The following THSD4 variants were observed in gnomAD, a reference collection of about 807,000 sequenced individuals.
THSD4 encodes the protein thrombospondin type 1 domain containing 4, also known as thrombospondin type-1 domain-containing protein 4.
In THSD4, 69 loss-of-function variants were observed where a neutral mutation model predicts 119.0. The ratio of observed to expected loss-of-function variants is 0.58; its 90% confidence interval spans 0.48 to 0.71. The LOEUF (loss-of-function observed/expected upper bound fraction) is 0.71. Ranked by LOEUF, THSD4 falls within the 30% of genes least tolerant of loss-of-function variation. The probability of loss-of-function intolerance (pLI) is 0.00; values close to 1 mark genes in which losing one functional copy is unlikely to be tolerated. For missense variants in THSD4, 1,393 were observed against 1,391.1 expected, an observed-to-expected ratio of 1.00 and a Z score of -0.02; for synonymous variants, 524 against 540.4, an observed-to-expected ratio of 0.97 and a Z score of 0.42.
intron 7 of THSD4, among the ~76,000 whole-genome samples, chr15:71,423,295 T>C (rs2046831396): frequency 6.6e-6 from 1 of 152,110 alleles, no homozygotes; most frequent in African/African-American, 2.4e-5. Flanking sequence ...GGGAGTGCGC[T>C]CAGTCACAGC....
intron 6 of THSD4, among the ~76,000 whole-genome samples, chr15:71,293,777 A>G (rs2044825502): frequency 6.6e-6 from 1 of 151,894 alleles, no homozygotes; most frequent in Non-Finnish European, 1.5e-5. Context: ...ATTCCCTAAC[A>G]GTAGGAAATT....
At chr15:71,363,817 T>G (rs1008047053) in intron 6 of THSD4, among the ~76,000 whole-genome samples, 4 of 152,200 alleles carry the variant, frequency 2.6e-5, no homozygotes, top group Non-Finnish European at 5.9e-5. Flanking sequence ...TACTATCAGT[T>G]TTCTACAGTT....
intron 6 of THSD4, among the ~76,000 whole-genome samples, chr15:71,352,031 ACT>A (rs2045749808): frequency 6.6e-6 from 1 of 152,160 alleles, no homozygotes; most frequent in South Asian, 2.1e-4. Context: ...TCAACCCTGT[ACT>A]CTCACATCTG....
At chr15:71,110,975 C>T, upstream of THSD4, 3 of 649,024 alleles carry the variant, frequency 4.6e-6, no homozygotes, top group South Asian at 6.0e-5. Flanking sequence ...AGGCTGTGGA[C>T]TGGAGGCTGC....
chr15:71,145,280 C>A (rs1351716134), intron 2 of THSD4, among the ~76,000 whole-genome samples: 5 of 152,004 alleles, frequency 3.3e-5, no homozygotes, highest in African/African-American at 1.2e-4. Context: ...GTGAAACTGG[C>A]AGGAAATAAA....
At chr15:71,532,010 G>A (rs12440359) in intron 7 of THSD4, among the ~76,000 whole-genome samples, 40,724 of 151,820 alleles carry the variant, frequency 0.27, 6,198 homozygotes, top group East Asian at 0.62. Context: ...GTTTTTTCCC[G>A]TACTTTCTCC....
chr15:71,509,086 C>T (rs933434757), intron 7 of THSD4, among the ~76,000 whole-genome samples: 1 of 152,092 alleles, frequency 6.6e-6, no homozygotes, highest in Non-Finnish European at 1.5e-5. Flanking sequence ...CATACTCCTA[C>T]ATGTCATGTT....
chr15:71,365,877 A>C (rs1256690001), intron 6 of THSD4, among the ~76,000 whole-genome samples: 1 of 152,180 alleles, frequency 6.6e-6, no homozygotes, highest in African/African-American at 2.4e-5. Flanking sequence ...GGAAGTTGCC[A>C]ACACAGTCAC....
chr15:71,406,643 GGTGTGTGTGTGTGTGTGTGT>G (rs56347233), intron 6 of THSD4, among the ~76,000 whole-genome samples: 68 of 126,266 alleles, frequency 5.4e-4, no homozygotes, highest in Non-Finnish European at 8.2e-4. Flanking sequence ...AGGTTTGTTT[GGTGTGTGTGTGTGTGTGTGT>G]GTGTGTGTGT....
intron 8 of THSD4, among the ~76,000 whole-genome samples, chr15:71,727,966 G>C (rs2052895970): frequency 6.6e-6 from 1 of 152,060 alleles, no homozygotes; most frequent in African/African-American, 2.4e-5. Flanking sequence ...ATCTGAGAGG[G>C]ACAGCCATCC....
chr15:71,757,877 A>T, intron 14 of THSD4, 25 bp from the exon 15 acceptor site: 1 of 1,611,804 alleles, frequency 6.2e-7, no homozygotes, highest in Non-Finnish European at 8.5e-7. Context: ...CCTCCTGACT[A>T]ATGTGCCCTT....
chr15:71,168,328 T>C (rs2043315677), intron 3 of THSD4, among the ~76,000 whole-genome samples: 1 of 152,250 alleles, frequency 6.6e-6, no homozygotes, highest in Non-Finnish European at 1.5e-5. Context: ...AGTCATAATG[T>C]GTATGGTCAA....
In THSD4 at chr15:71,481,217, G is replaced by A. The variant is rs1020855661; in HGVS notation, c.1152+69394G>A. ...TAGACTCTGTGATAAAAGAAGCCTC[G>A]ATTAGTTCTCAAAGATCCAGGATAA... is the stretch of plus-strand genomic sequence containing the variant. On this transcript the variant is annotated intron_variant, in intron 7 of 17. Transcript: ENST00000261862. 3.9e-5 allele frequency among the ~76,000 whole-genome samples: 6 copies of A among 152,106 alleles called. 1 individual carries two copies. The highest frequency in any genetic ancestry group is 7.2e-5 in the African/African-American group (3 of 41,422).
chr15:71,624,074 A>G (rs891999721), intron 7 of THSD4, among the ~76,000 whole-genome samples: 11 of 152,216 alleles, frequency 7.2e-5, no homozygotes, highest in African/African-American at 2.4e-4. Flanking sequence ...GTGATCGAGA[A>G]CAACACGTGA....
At chr15:71,573,145 AGTT>A (rs1423535847) in intron 7 of THSD4, among the ~76,000 whole-genome samples, 1 of 152,002 alleles carries the variant, frequency 6.6e-6, no homozygotes, top group East Asian at 1.9e-4. Flanking sequence ...TTCTGGGGAG[AGTT>A]GGTGGGTGAG....
intron 7 of THSD4, among the ~76,000 whole-genome samples, chr15:71,442,001 C>T (rs961953360): frequency 1.3e-5 from 2 of 152,050 alleles, no homozygotes; most frequent in Non-Finnish European, 2.9e-5. Flanking sequence ...GCTCTGTCAC[C>T]AGGCTGGAGT....
intron 8 of THSD4, among the ~76,000 whole-genome samples, chr15:71,694,783 A>G (rs1464685705): frequency 1.3e-5 from 2 of 152,146 alleles, no homozygotes; most frequent in South Asian, 2.1e-4. Flanking sequence ...ACTCTGAGAC[A>G]GTCCATAGCC....
chr15:71,547,555 A>AG, intron 7 of THSD4: 1 of 1,512,350 alleles, frequency 6.6e-7, no homozygotes, highest in South Asian at 1.3e-5. Flanking sequence ...ATCTACCAAG[A>AG]GGGATCAGGG....
At chr15:71,249,191 CCACA>C (rs974930906) in intron 5 of THSD4, among the ~76,000 whole-genome samples, 6 of 151,812 alleles carry the variant, frequency 4.0e-5, no homozygotes, top group African/African-American at 1.2e-4. Context: ...TGTATACACA[CCACA>C]CACACATATA....
Sources: gnomAD v4.1 joint callset for allele counts (sites outside exome capture counted in the v4.1 genomes callset) on GRCh38, gnomAD v4.1.1 for gene constraint, MANE v1.5 for transcripts, NCBI Gene and HGNC (gene_info 2026-07-23, HGNC 2026-07-21) for gene names.